TPP1: variants seen among roughly 807,000 people sequenced by gnomAD.
The protein encoded by TPP1 is tripeptidyl-peptidase 1.
A neutral mutation model predicts 67.6 loss-of-function variants in TPP1; 43 were observed. That is an observed-to-expected ratio of 0.64 (90% CI 0.50 to 0.82). The LOEUF is 0.82. TPP1 is among the 40% of genes least tolerant of loss of function. The pLI is 0.00. For missense variants in TPP1, 671 were observed against 710.9 expected (o/e 0.94, Z 0.64); for synonymous variants, 272 against 281.5 (o/e 0.97, Z 0.34).
intron 1 of TPP1, 38 bp downstream of exon 1, chr11:6,619,346 A>G: frequency 1.2e-6 from 2 of 1,614,166 alleles, no homozygotes; most frequent in Non-Finnish European, 1.7e-6. Flanking sequence ...GCTCCCTCCA[A>G]CGTGATCCCT....
At chr11:6,618,243 T>C in intron 3 of TPP1, 1 of 329,800 alleles carries the variant, frequency 3.0e-6, no homozygotes, top group Non-Finnish European at 5.8e-6. Flanking sequence ...CCTCTGCAGT[T>C]CACAAGCACA....
At chr11:6,616,141 G>A in intron 8 of TPP1, 67 bp from the exon 9 acceptor site, 1 of 1,604,846 alleles carries the variant, frequency 6.2e-7, no homozygotes, top group Non-Finnish European at 8.5e-7. Context: ...TCGGATGTCA[G>A]AGGGGAAATT....
chr11:6,616,182 C>T, intron 8 of TPP1, 108 bp from the exon 9 acceptor site: 1 of 1,574,460 alleles, frequency 6.4e-7, no homozygotes, highest in Non-Finnish European at 8.7e-7. Flanking sequence ...GTGTAGAGGT[C>T]AGGTCAGTGG....
chr11:6,617,921 G>A, intron 3 of TPP1, 145 bp from the exon 4 acceptor site: 1 of 1,096,264 alleles, frequency 9.1e-7, no homozygotes, highest in South Asian at 1.3e-5. Flanking sequence ...GGGTGTACTT[G>A]GGAAGCAGAG....
At position 6,614,488 on chromosome 11, in the gene TPP1, G is replaced by C. The variant is rs1304668108; in HGVS notation, c.*58C>G. The C allele has an allele frequency of 6.2e-7, 1 of 1,611,646 alleles. No homozygotes were observed. Among genetic ancestry groups the C allele is most frequent in the African/African-American group, 1.3e-5 (1 of 74,994 alleles). On this transcript the variant is annotated 3_prime_UTR_variant, in exon 13 of 13. Coordinates refer to ENST00000299427, the MANE Select transcript of TPP1 (RefSeq NM_000391.4). Reference sequence around the variant, plus strand: ...CAGGGCTTCCAACAGGGCAGAATAAGGGACTGAACTGCCAGCTTCAGGGCA... The same window carrying C: ...CAGGGCTTCCAACAGGGCAGAATAACGGACTGAACTGCCAGCTTCAGGGCA...
In TPP1 at chr11:6,616,388, G is replaced by C. The variant is rs796053432; in HGVS notation, c.1002C>G (p.Ser334Arg). 2 of 1,614,008 alleles carry C rather than the reference G, an allele frequency of 1.2e-6. No individual in the cohort carries two copies. The highest frequency in any genetic ancestry group is 1.7e-5 in the Admixed American group (1 of 60,026). ...CAGTGTTGACCCGCTGGATGTAGGCGCTGCTGAGGGAGTCCTCATCATCTC... is the reference window on the plus strand; with the variant it reads ...CAGTGTTGACCCGCTGGATGTAGGCCCTGCTGAGGGAGTCCTCATCATCTC... The part of the protein sequence containing the change: ...SYGDDEDSLS[S>R]AYIQRVNTEL... Residue 334 changes from serine (S) to arginine (R), a missense_variant, in exon 8 of 13, where the codon AGC becomes AGG. Coordinates refer to ENST00000299427, the MANE Select transcript of TPP1 (RefSeq NM_000391.4).
At chr11:6,618,010 C>T (rs1386744732) in intron 3 of TPP1, 8 of 587,742 alleles carry the variant, frequency 1.4e-5, no homozygotes, top group African/African-American at 7.5e-5. Context: ...TTGCAAATGT[C>T]GCACCACAGC....
rs1195842275 is a variant in TPP1 at position 6,616,303 on chromosome 11, G to A, written c.1075+12C>T. 1 of 1,612,988 alleles carries A rather than the reference G, an allele frequency of 6.2e-7. No individual in the cohort carries two copies. Among genetic ancestry groups the A allele is most frequent in the Non-Finnish European group, 8.5e-7 (1 of 1,179,926 alleles). ...GGTGTAAGCATTGTCTAAGTTTAGG[G>A]TAGGAGGTCACCTGAGGCGAAGAGC... On this transcript the variant is annotated intron_variant, in intron 8 of 12. Coordinates refer to ENST00000299427, the MANE Select transcript of TPP1 (RefSeq NM_000391.4).
intron 2 of TPP1, 25 bp from the exon 3 acceptor site, chr11:6,618,940 T>G (rs777730703): frequency 3.1e-5 from 50 of 1,610,806 alleles, no homozygotes; most frequent in Non-Finnish European, 4.0e-5. Flanking sequence ...GTCAGGGACA[T>G]GGCTTTGGTT....
chr11:6,618,097 G>A, intron 3 of TPP1: 2 of 405,118 alleles, frequency 4.9e-6, no homozygotes, highest in Non-Finnish European at 9.2e-6. Flanking sequence ...CTTATGTCCG[G>A]TAAATGTTTT....
rs188061552 is a variant in TPP1 at position 6,615,075 on chromosome 11, C to T, written c.1426-84G>A. On this transcript the variant is annotated intron_variant, in intron 11 of 12. Coordinates refer to ENST00000299427, the MANE Select transcript of TPP1 (RefSeq NM_000391.4). ...AGTGATGCTTTAAAGTATCAGACAT[C>T]TCTAAGGAGTCAGGGGTTCTAGGTG... The T allele has an allele frequency of 5.5e-5, 89 of 1,613,364 alleles. 1 individual carries two copies. Among genetic ancestry groups the T allele is most frequent in the East Asian group, 1.8e-4 (8 of 44,854 alleles).
rs768795654 is a variant in TPP1, at chr11:6,618,883, G to C, written c.122C>G (p.Ala41Gly). The C allele has an allele frequency of 6.2e-7, 1 of 1,613,610 alleles. No homozygotes were observed. Among genetic ancestry groups the C allele is most frequent in the Non-Finnish European group, 8.5e-7 (1 of 1,180,038 alleles). ...LPPGWVSLGR[A>G]DPEEELSLTF... Reference sequence around the variant, plus strand: ...GAGACTCAGCTCTTCCTCAGGGTCCGCACGGCCCAGGGACACCCAGCCTGG... The same window carrying C: ...GAGACTCAGCTCTTCCTCAGGGTCCCCACGGCCCAGGGACACCCAGCCTGG... The change falls in exon 3 of 13, where the codon GCG becomes GGG. Residue 41 changes from alanine to glycine, a missense_variant. Coordinates refer to ENST00000299427, the MANE Select transcript of TPP1 (RefSeq NM_000391.4).
chr11:6,616,680 G>C lies in TPP1; in HGVS notation c.867C>G (p.Thr289=). 2 of 1,614,090 alleles carry C rather than the reference G, an allele frequency of 1.2e-6. No individual in the cohort carries two copies. The highest frequency in any genetic ancestry group is 1.7e-6 in the Non-Finnish European group (2 of 1,180,002). The part of the protein sequence containing the change: ...YLMSAGANIS[T]WVYSSPGRHE... ...TAGTACCAGGGCTACTGTAGACCCA[G>C]GTGGAGATGTTGGCACCAGCACTCA... Residue 289 remains threonine (T), a synonymous_variant, in exon 7 of 13, where the codon ACC becomes ACG. Coordinates refer to ENST00000299427, the MANE Select transcript of TPP1 (RefSeq NM_000391.4).
rs1429958002 is a variant in TPP1, at chr11:6,617,072, T to A, written c.590A>T (p.His197Leu). ...EPQVTGTVGL[H>L]LGVTPSVIRK... Reference sequence around the variant, plus strand: ...GATCACAGAGGGGGTTACCCCCAGATGCAGGCCTACAGTCCCTGTCACCTG... The same window carrying A: ...GATCACAGAGGGGGTTACCCCCAGAAGCAGGCCTACAGTCCCTGTCACCTG... The change falls in exon 6 of 13, where the codon CAT becomes CTT. Residue 197 changes from histidine to leucine, a missense_variant. His to Leu is a moderately conservative substitution (Grantham distance 99). Coordinates refer to ENST00000299427, the MANE Select transcript of TPP1 (RefSeq NM_000391.4). 1.2e-6 allele frequency: 2 copies of A among 1,614,150 alleles called. No homozygotes were observed. Among genetic ancestry groups the A allele is most frequent in the East Asian group, 4.5e-5 (2 of 44,880 alleles).
At position 6,614,563 on chromosome 11, in the gene TPP1, T is replaced by G. The variant is rs1855545850; in HGVS notation, c.1675A>C (p.Thr559Pro). The G allele has an allele frequency of 3.7e-6, 6 of 1,613,618 alleles. No homozygotes were observed. Among genetic ancestry groups the G allele is most frequent in the Non-Finnish European group, 5.1e-6 (6 of 1,179,930 alleles). The change falls in exon 13 of 13, where the codon ACT (threonine) becomes CCT (proline). Residue 559 changes from threonine to proline, a missense_variant. Physicochemically the swap from Thr to Pro is conservative, Grantham distance 38 (BLOSUM62 -1). Coordinates refer to ENST00000299427, the MANE Select transcript of TPP1 (RefSeq NM_000391.4). ...GGAAAGGGTCAGGGGTTGAGTAGAG[T>G]CTTCAGCAAAGCTGGGAAGTTGGGT... ...GTPNFPALLKTLLNP is the reference protein window; with the variant it reads ...GTPNFPALLKPLLNP
At position 6,616,027 on chromosome 11, in the gene TPP1, G is replaced by A. The variant is rs368914445; in HGVS notation, c.1123C>T (p.Arg375Cys). The part of the protein sequence containing the change: ...CWSVSGRHQF[R>C]PTFPASSPYV... Reference sequence around the variant, plus strand: ...TACCTGGAGGCAGGGAAGGTAGGGCGGAACTGGTGTCTTCCAGAGACAGAC... The same window carrying A: ...TACCTGGAGGCAGGGAAGGTAGGGCAGAACTGGTGTCTTCCAGAGACAGAC... The change falls in exon 9 of 13, where the codon CGC (arginine) becomes TGC (cysteine). Residue 375 changes from arginine (R) to cysteine (C), a missense_variant. Physicochemically the swap from Arg to Cys is radical, Grantham distance 180. Coordinates refer to ENST00000299427, the MANE Select transcript of TPP1 (RefSeq NM_000391.4). 23 of 1,614,050 alleles carry A rather than the reference G, an allele frequency of 1.4e-5. No homozygotes were observed. Among genetic ancestry groups the A allele is most frequent in the Admixed American group, 5.0e-5 (3 of 60,008 alleles).
At chr11:6,615,599 C>T (rs768587323) in intron 9 of TPP1, 37 bp from the exon 10 acceptor site, 24 of 1,613,472 alleles carry the variant, frequency 1.5e-5, no homozygotes, top group East Asian at 2.2e-5. Flanking sequence ...AGTAGGGGAC[C>T]CAAGGGGACC....
intron 3 of TPP1, chr11:6,618,361 T>G: frequency 2.7e-6 from 1 of 373,202 alleles, no homozygotes; most frequent in South Asian, 2.6e-5. Context: ...AGGGGTGGGG[T>G]GGAGGGAGGA....
rs2134595821 is a variant in TPP1, at chr11:6,617,419, C to T, written c.390G>A (p.Glu130=). 1 of 1,613,692 alleles carries T rather than the reference C, an allele frequency of 6.2e-7. No individual in the cohort carries two copies. The change falls in exon 5 of 13, where the codon GAG becomes GAA. Residue 130 remains glutamate (E), a synonymous_variant. Coordinates refer to ENST00000299427, the MANE Select transcript of TPP1 (RefSeq NM_000391.4). The part of the protein sequence containing the change: ...LTCWLSIRQA[E]LLLPGAEFHH... ...GAAACTCAGCCCCAGGGAGCAGCAG[C>T]TCTGCTTGTCTGGAGGTCAGAGAAC...
Sources: gnomAD v4.1 joint callset for allele counts on GRCh38, gnomAD v4.1.1 for gene constraint, MANE v1.5 for transcripts, NCBI Gene and HGNC (gene_info 2026-07-23, HGNC 2026-07-21) for gene names.